Variants in ZNF454 observed in about 807,000 individuals in gnomAD.
ZNF454 encodes the protein zinc finger protein 454.
A neutral mutation model predicts 48.2 loss-of-function variants in ZNF454; 30 were observed. The observed-to-expected ratio is 0.62, with a 90% CI of 0.47 to 0.84. ZNF454 has a LOEUF of 0.84. Among genes scored for constraint, ZNF454 ranks in the 40% least tolerant of loss-of-function variants. The pLI is 0.00. For missense variants in ZNF454, 510 were observed against 623.1 expected (o/e 0.82, Z 1.93); for synonymous variants, 204 against 211.4 (o/e 0.97, Z 0.30).
At chr5:178,986,709 C>T in the ZNF454 span, 35 of 1,604,812 alleles carry the variant, frequency 2.2e-5, no homozygotes, top group East Asian at 2.5e-4. Context: ...TGCACAGAGA[C>T]GAGGGCACCT....
the ZNF454 span, chr5:178,983,114 G>C: frequency 2.5e-6 from 4 of 1,614,008 alleles, no homozygotes; most frequent in South Asian, 2.2e-5. Context: ...CCGACATGTC[G>C]CACTTGAGCA....
chr5:178,941,442 A>C lies in ZNF454; in HGVS notation c.-110A>C, dbSNP rs1481607722. 6.6e-6 allele frequency: 3 copies of C among 454,332 alleles called. No individual in the cohort carries two copies. Among genetic ancestry groups the C allele is most frequent in the South Asian group, 1.6e-5 (1 of 64,438 alleles). The allele number at this position is 454,332 out of a possible 1,614,324, so 28.1% of individuals were successfully genotyped here. On this transcript the variant is annotated splice_region_variant and 5_prime_UTR_variant, in exon 1 of 5. Coordinates refer to ENST00000519564, the MANE Select transcript of ZNF454 (RefSeq NM_001178089.3). The surrounding 1 kb of genome is among the most constrained non-coding windows in gnomAD (Gnocchi z 5.5). ...TGATCGAATGCCCCAAACTTCCCGGAATGTATGTCTGAGATTTGATCCCAG... is the reference window on the plus strand; with the variant it reads ...TGATCGAATGCCCCAAACTTCCCGGCATGTATGTCTGAGATTTGATCCCAG...
At chr5:178,985,549 A>G in the ZNF454 span, 1 of 337,572 alleles carries the variant, frequency 3.0e-6, no homozygotes, top group Non-Finnish European at 5.8e-6. Context: ...TAAAAATACA[A>G]AAAATTAGCC....
At chr5:178,981,334 C>T in the ZNF454 span, 1 of 321,128 alleles carries the variant, frequency 3.1e-6, no homozygotes, top group East Asian at 7.0e-5. This position sits in a 1 kb window ranked among gnomAD's most constrained non-coding sequence, Gnocchi z 5.1. Flanking sequence ...CCAGGCAAAG[C>T]CCAGGGCTTC....
rs889162915 is a variant in ZNF454 at position 178,946,412 on chromosome 5, G to T, written c.87G>T (p.Gly29=). 3 of 1,612,980 alleles carry T rather than the reference G, an allele frequency of 1.9e-6. No homozygotes were observed. Among genetic ancestry groups the T allele is most frequent in the Admixed American group, 3.4e-5 (2 of 59,630 alleles). The change falls in exon 3 of 5, where the codon GGG becomes GGT. Residue 29 remains glycine (G), a synonymous_variant. Transcript: ENST00000519564. The surrounding 1 kb of genome is among the most constrained non-coding windows in gnomAD (Gnocchi z 4.5). ...TACTGTTCACCCAGGAAGAGTGGGG[G>T]CAGCTGAGCCCCGCCCAGAGGGCCC... ...VAILFTQEEW[G]QLSPAQRALY...
chr5:178,947,339 A>G (rs1274447743), intron 4 of ZNF454, among the ~76,000 whole-genome samples: 2 of 152,152 alleles, frequency 1.3e-5, no homozygotes, highest in Non-Finnish European at 2.9e-5. Context: ...CCCTTCTCTC[A>G]TGAGGAGCCA....
At chr5:178,974,739 G>T in the ZNF454 span, among the ~76,000 whole-genome samples, 4 of 152,164 alleles carry the variant, frequency 2.6e-5, no homozygotes, top group Non-Finnish European at 5.9e-5. Context: ...AAACCTTCAG[G>T]TTTGTAGGGA....
At chr5:178,988,157 G>T in the ZNF454 span, among the ~76,000 whole-genome samples, 7 of 152,126 alleles carry the variant, frequency 4.6e-5, no homozygotes, top group South Asian at 1.5e-3. This position sits in a 1 kb window ranked among gnomAD's most constrained non-coding sequence, Gnocchi z 6.0. Flanking sequence ...AATGAAAAAA[G>T]TTTCACTGTC....
At position 178,941,644 on chromosome 5, in the gene ZNF454, A is replaced by G. The variant is rs1474765263; in HGVS notation, c.-108+200A>G. Among the ~76,000 whole-genome samples, 1 of 151,614 alleles carries G rather than the reference A, an allele frequency of 6.6e-6. No homozygotes were observed. Among genetic ancestry groups the G allele is most frequent in the Non-Finnish European group, 1.5e-5 (1 of 67,920 alleles). On this transcript the variant is annotated intron_variant, in intron 1 of 4. Coordinates refer to ENST00000519564, the MANE Select transcript of ZNF454 (RefSeq NM_001178089.3). This position sits in a 1 kb window ranked among gnomAD's most constrained non-coding sequence, Gnocchi z 5.5. ...CGTGGTTCCGAGTCCTGCGCCAGGAACTCGCCAAGGCCGGAGGCAGCCGCT... is the reference window on the plus strand; with the variant it reads ...CGTGGTTCCGAGTCCTGCGCCAGGAGCTCGCCAAGGCCGGAGGCAGCCGCT...
At chr5:178,969,608 A>C (rs1760211325), downstream of ZNF454, 1 of 456,834 alleles carries the variant, frequency 2.2e-6, no homozygotes. Context: ...TGCTTCATGT[A>C]GTACACAAGA....
chr5:178,988,852 C>T, the ZNF454 span: 2 of 1,154,692 alleles, frequency 1.7e-6, no homozygotes. The surrounding 1 kb of genome is among the most constrained non-coding windows in gnomAD (Gnocchi z 6.0). Flanking sequence ...AGCCCTTCCA[C>T]CCTGAGGTTG....
chr5:178,989,536 C>A, the ZNF454 span: 57 of 1,147,322 alleles, frequency 5.0e-5, no homozygotes, highest in South Asian at 7.1e-4. Context: ...GTGAACTAGG[C>A]ATGGCCAGGT....
Position 178,946,363 on chromosome 5 carries a change from C to T in ZNF454, c.38C>T (p.Ser13Leu), listed in dbSNP as rs777431258. ...AGAATGAATTTGCTGTTGCAGGAAT[C>T]GGTGACCTTCAAGGATGTGGCTATA... is the stretch of plus-strand genomic sequence containing the variant. ...VSHLPTMVQE[S>L]VTFKDVAILF... The change falls in exon 3 of 5, where the codon TCG becomes TTG. Residue 13 changes from serine to leucine, a missense_variant. By Grantham distance (145) the Ser-to-Leu change is moderately radical. This residue lies in a region of ZNF454 where 354 missense variants were observed against 408.9 expected (regional missense o/e 0.87). Coordinates refer to ENST00000519564, the MANE Select transcript of ZNF454 (RefSeq NM_001178089.3). This position sits in a 1 kb window ranked among gnomAD's most constrained non-coding sequence, Gnocchi z 4.5. The T allele has an allele frequency of 1.5e-5, 24 of 1,610,700 alleles. No homozygotes were observed. The highest frequency in any genetic ancestry group is 1.6e-4 in the Middle Eastern group (1 of 6,074).
chr5:178,985,717 A>AAAAAAAC, the ZNF454 span: 16 of 419,628 alleles, frequency 3.8e-5, no homozygotes, highest in South Asian at 1.9e-4. Flanking sequence ...AAAAAAAACA[A>AAAAAAAC]AACAACACAG....
the ZNF454 span, chr5:178,986,979 G>A: frequency 2.2e-4 from 363 of 1,613,416 alleles, 2 homozygotes; most frequent in East Asian, 3.1e-3. Context: ...GGGTTCCTGC[G>A]CTGCCTGGAG....
intron 4 of ZNF454, among the ~76,000 whole-genome samples, chr5:178,955,227 C>T (rs1759700503): frequency 6.6e-6 from 1 of 152,166 alleles, no homozygotes; most frequent in South Asian, 2.1e-4. Context: ...TGGTTAGGAC[C>T]TCCTGCACAA....
chr5:178,952,038 T>TG (rs1371229363), intron 4 of ZNF454, among the ~76,000 whole-genome samples: 1 of 150,920 alleles, frequency 6.6e-6, no homozygotes, highest in African/African-American at 2.4e-5. Flanking sequence ...TTGAACATCT[T>TG]GTTTTTTTTT....
At chr5:178,945,815 C>T (rs1439524368) in intron 2 of ZNF454, among the ~76,000 whole-genome samples, 1 of 151,866 alleles carries the variant, frequency 6.6e-6, no homozygotes, top group African/African-American at 2.4e-5. Flanking sequence ...GTTCCAGATG[C>T]AGGGAAGGCC....
At chr5:178,947,042 T>C in intron 4 of ZNF454, 56 bp downstream of exon 4, 1 of 1,481,310 alleles carries the variant, frequency 6.8e-7, no homozygotes, top group Admixed American at 1.9e-5. Context: ...TAGGGAAGGC[T>C]CCGTAGGGAA....
Sources: gnomAD v4.1 joint callset for allele counts (sites outside exome capture counted in the v4.1 genomes callset) on GRCh38, gnomAD v4.1.1 for gene constraint, gnomAD v4.1.1 regional missense constraint, Gnocchi (gnomAD v3.1) non-coding constraint, MANE v1.5 for transcripts, NCBI Gene and HGNC (gene_info 2026-07-23, HGNC 2026-07-21) for gene names.